The following DDX46 variants were observed in gnomAD, a reference collection of about 807,000 sequenced individuals.
DDX46 encodes DEAD-box helicase 46.
A neutral mutation model predicts 134.9 loss-of-function variants in DDX46; 30 were observed. The ratio of observed to expected loss-of-function variants is 0.22; its 90% confidence interval spans 0.17 to 0.30. The LOEUF (loss-of-function observed/expected upper bound fraction) is 0.30, where lower values mean the gene tolerates loss of function less well. Among genes scored for constraint, DDX46 ranks in the 10% least tolerant of loss-of-function variants. The pLI is 1.00. For synonymous variants in DDX46, 415 were observed against 404.1 expected (o/e 1.03, Z -0.32); for missense variants, 622 against 1,248.7 (o/e 0.50, Z 7.56).
At chr5:134,789,414 T>A (rs987966781) in intron 12 of DDX46, 1 of 152,218 alleles carries the variant, frequency 6.6e-6, no homozygotes, top group Admixed American at 6.5e-5. Context: ...CAATATTTAG[T>A]GTGTACATAA....
At chr5:134,789,506 CAA>C (rs1754442701) in intron 12 of DDX46, among the ~76,000 whole-genome samples, 2 of 151,966 alleles carry the variant, frequency 1.3e-5, no homozygotes, top group Admixed American at 1.3e-4. Context: ...ATGAAGTTGG[CAA>C]AGTGACATCG....
At chr5:134,818,385 C>T (rs1023296857) in intron 20 of DDX46, among the ~76,000 whole-genome samples, 3 of 151,436 alleles carry the variant, frequency 2.0e-5, no homozygotes, top group East Asian at 2.0e-4. Flanking sequence ...TGAGCCATCA[C>T]GCCCGGCCAA....
At chr5:134,787,931 G>C (rs1432554513) in intron 11 of DDX46, among the ~76,000 whole-genome samples, 1 of 151,568 alleles carries the variant, frequency 6.6e-6, no homozygotes, top group Non-Finnish European at 1.5e-5. Flanking sequence ...TGAGATGGGA[G>C]GGTCACTTGA....
chr5:134,789,598 T>TC (rs1754445451), intron 12 of DDX46, among the ~76,000 whole-genome samples: 1 of 152,082 alleles, frequency 6.6e-6, no homozygotes, highest in African/African-American at 2.4e-5. Context: ...TTTTTTTTTT[T>TC]CTCAATGCTG....
chr5:134,818,761 A>G, intron 20 of DDX46, 99 bp from the exon 21 acceptor site: 1 of 968,288 alleles, frequency 1.0e-6, no homozygotes, highest in Non-Finnish European at 1.5e-6. Flanking sequence ...AGAGAGACCA[A>G]CCATAATATG....
At chr5:134,801,636 A>G (rs1754831649) in intron 15 of DDX46, among the ~76,000 whole-genome samples, 1 of 152,136 alleles carries the variant, frequency 6.6e-6, no homozygotes, top group Non-Finnish European at 1.5e-5. Context: ...CTTGGGTTCA[A>G]GCAGTCCTCC....
At chr5:134,763,051 T>C (rs1404286619) in intron 1 of DDX46, among the ~76,000 whole-genome samples, 1 of 151,388 alleles carries the variant, frequency 6.6e-6, no homozygotes, top group African/African-American at 2.4e-5. Flanking sequence ...AGAGCCAGAC[T>C]CTTTCTCAAA....
chr5:134,780,853 GAC>G, intron 6 of DDX46: 1 of 206,672 alleles, frequency 4.8e-6, no homozygotes, highest in Non-Finnish European at 9.6e-6. Flanking sequence ...AACATAGCAT[GAC>G]TCTTTCTACT....
In DDX46 at chr5:134,811,885, A is replaced by C. The variant is rs369871858; in HGVS notation, c.2436+40A>C. On this transcript the variant is annotated intron_variant, in intron 18 of 22. Coordinates refer to ENST00000452510, the MANE Select transcript of DDX46 (RefSeq NM_001300860.2). ...TCTCTCATTCTTAATTGAAGCAGTTATTTCTTTTGTACTGGAGGTCTTGCC... is the reference window on the plus strand; with the variant it reads ...TCTCTCATTCTTAATTGAAGCAGTTCTTTCTTTTGTACTGGAGGTCTTGCC... 35 of 1,592,586 alleles carry C rather than the reference A, an allele frequency of 2.2e-5. No homozygotes were observed. The East Asian group carries it at 3.6e-4, about 16-fold the overall frequency.
At chr5:134,824,355 G>A (rs897474995) in intron 21 of DDX46, among the ~76,000 whole-genome samples, 1 of 152,224 alleles carries the variant, frequency 6.6e-6, no homozygotes. Flanking sequence ...CACTTTGGGA[G>A]GCCGAAGCGG....
intron 1 of DDX46, among the ~76,000 whole-genome samples, chr5:134,763,081 A>G (rs754078001): frequency 4.7e-4 from 71 of 151,960 alleles, no homozygotes; most frequent in Non-Finnish European, 9.6e-4. Flanking sequence ...TAATAATAAT[A>G]ATTAGCTAAG....
chr5:134,767,716 C>T (rs1362685849), intron 3 of DDX46, among the ~76,000 whole-genome samples: 1 of 151,598 alleles, frequency 6.6e-6, no homozygotes, highest in African/African-American at 2.4e-5. Context: ...TTTGGGAGGC[C>T]AAGGTGGGCG....
intron 7 of DDX46, 102 bp from the exon 8 acceptor site, chr5:134,781,819 T>G (rs1754163640): frequency 9.0e-7 from 1 of 1,106,784 alleles, no homozygotes; most frequent in African/African-American, 1.6e-5. Flanking sequence ...AATATTAGAG[T>G]AGTTTCTAGG....
At chr5:134,796,208 G>T (rs1048577730) in intron 15 of DDX46, 58 bp downstream of exon 15, 50 of 1,568,994 alleles carry the variant, frequency 3.2e-5, no homozygotes, top group Non-Finnish European at 4.2e-5. Flanking sequence ...CAAGCATTGT[G>T]CTGTGTTCTC....
At chr5:134,785,656 G>T in intron 11 of DDX46, 70 bp downstream of exon 11, 1 of 1,494,514 alleles carries the variant, frequency 6.7e-7, no homozygotes, top group African/African-American at 1.4e-5. Flanking sequence ...AAGTAAAAGT[G>T]ACTTTTACTT....
intron 1 of DDX46, 125 bp downstream of exon 1, chr5:134,759,080 C>T (rs1753294823): frequency 6.9e-7 from 1 of 1,444,666 alleles, no homozygotes. Flanking sequence ...CGCTGCCCCG[C>T]GAGCATTGGA....
intron 1 of DDX46, among the ~76,000 whole-genome samples, chr5:134,761,588 C>T (rs1021392698): frequency 2.4e-4 from 37 of 152,150 alleles, no homozygotes; most frequent in African/African-American, 8.7e-4. Context: ...AGAGAAACCT[C>T]TTCCTTGAAC....
chr5:134,781,089 T>G, intron 6 of DDX46, 44 bp from the exon 7 acceptor site: 1 of 1,380,788 alleles, frequency 7.2e-7, no homozygotes, highest in South Asian at 1.4e-5. Context: ...ATATAACTTG[T>G]GTTTCAGCTT....
At chr5:134,801,778 A>C (rs1394995806) in intron 15 of DDX46, among the ~76,000 whole-genome samples, 1 of 152,164 alleles carries the variant, frequency 6.6e-6, no homozygotes, top group Non-Finnish European at 1.5e-5. Flanking sequence ...CATCTGTTTA[A>C]GGACATTTTA....
Sources: gnomAD v4.1 joint callset for allele counts (sites outside exome capture counted in the v4.1 genomes callset) on GRCh38, gnomAD v4.1.1 for gene constraint, MANE v1.5 for transcripts, NCBI Gene and HGNC (gene_info 2026-07-23, HGNC 2026-07-21) for gene names.